Variants in UCK1 observed in about 807,000 individuals in gnomAD.
UCK1 encodes uridine-cytidine kinase 1.
UCK1 carries 20 observed loss-of-function variants against 34.0 expected under a neutral mutation model. The observed-to-expected ratio is 0.59, with a 90% confidence interval of 0.41 to 0.86. UCK1 has a LOEUF of 0.86. UCK1 is among the 40% of genes least tolerant of loss of function. The probability of loss-of-function intolerance (pLI) is 0.00; values close to 1 mark genes in which losing one functional copy is unlikely to be tolerated. For missense variants in UCK1, 343 were observed against 383.6 expected (o/e 0.89, Z 0.88); for synonymous variants, 168 against 155.9 (o/e 1.08, Z -0.58).
chr9:131,529,415 C>T lies in UCK1; in HGVS notation c.365+73G>A, dbSNP rs996703760. On this transcript the variant is annotated intron_variant, in intron 3 of 6. Coordinates refer to ENST00000372215, the MANE Select transcript of UCK1 (RefSeq NM_031432.5). Reference sequence around the variant, plus strand: ...CAACCGGGGGAGGCCTGCCGCCAGGCAGGTCTGTGTGAGCCCGAGGGGACG... The same window carrying T: ...CAACCGGGGGAGGCCTGCCGCCAGGTAGGTCTGTGTGAGCCCGAGGGGACG... The T allele has an allele frequency of 2.5e-6, 4 of 1,606,078 alleles. No homozygotes were observed. The Admixed American group carries it at 6.7e-5, about 27-fold the overall frequency.
chr9:131,526,391 G>T lies in UCK1; in HGVS notation c.604-414C>A, dbSNP rs188253759. 593 of 1,283,418 alleles carry T rather than the reference G, an allele frequency of 4.6e-4. 5 individuals are homozygous for T. The African/African-American group carries it at 8.1e-3, about 18-fold the overall frequency. The allele number at this position is 1,283,418 out of a possible 1,614,324, so 79.5% of individuals were successfully genotyped here. ...TGCAAATACCCTGGCACAGCAACAG[G>T]ACAGCCGCCGCCGTGCATAATTACT... On this transcript the variant is annotated intron_variant, in intron 5 of 6. Transcript: ENST00000372215.
chr9:131,526,810 T>C (rs1950623283), intron 5 of UCK1, among the ~76,000 whole-genome samples: 1 of 152,218 alleles, frequency 6.6e-6, no homozygotes, highest in Non-Finnish European at 1.5e-5. Context: ...TGGGACCCCA[T>C]CTCATGAAAG....
rs1366542103 is a variant in UCK1 at position 131,524,455 on chromosome 9, A to G, written c.*585T>C. 2.6e-5 allele frequency: 4 copies of G among 152,270 alleles called. No individual in the cohort carries two copies. The highest frequency in any genetic ancestry group is 9.6e-5 in the African/African-American group (4 of 41,454). 9.4% of individuals were successfully genotyped at this position (152,270 alleles called of 1,614,324 possible). On this transcript the variant is annotated 3_prime_UTR_variant, in exon 7 of 7. Coordinates refer to ENST00000372215, the MANE Select transcript of UCK1 (RefSeq NM_031432.5). ...AAAACATCCCTCAGTGGCTCCCCAT[A>G]TCCGTGTAGGCCACGCTGGACTGCA... is the stretch of plus-strand genomic sequence containing the variant.
In UCK1 at chr9:131,524,261, G is replaced by A. The variant is rs886253467; in HGVS notation, c.*779C>T. On this transcript the variant is annotated 3_prime_UTR_variant, in exon 7 of 7. Transcript: ENST00000372215. ...GAGGGTCAGTGAGGGCCTGACCCCA[G>A]GCAGGACTGCGTGGACGCTGTTCTC... 3 of 152,468 alleles carry A rather than the reference G, an allele frequency of 2.0e-5. No homozygotes were observed. In the East Asian group the frequency reaches 5.8e-4, roughly 29 times the overall value. The allele number at this position is 152,468 out of a possible 1,614,324, so 9.4% of individuals were successfully genotyped here. A position where few individuals can be genotyped will look rare whatever the true frequency, so the allele number is the denominator to read the frequency against.
intron 2 of UCK1, among the ~76,000 whole-genome samples, chr9:131,530,168 A>G (rs1303453517): frequency 6.6e-6 from 1 of 152,216 alleles, no homozygotes; most frequent in Non-Finnish European, 1.5e-5. Flanking sequence ...AGGGCCCTAA[A>G]GGCCCCAACG....
In UCK1 at chr9:131,530,476, C is replaced by T; in HGVS notation, c.268+10G>A. On this transcript the variant is annotated intron_variant, in intron 2 of 6. Coordinates refer to ENST00000372215, the MANE Select transcript of UCK1 (RefSeq NM_031432.5). ...TCTGCCCTCCCCACATCGTTGGGCT[C>T]GCGATTTACCTGGATGGTCAAAATT... 6.2e-7 allele frequency: 1 copy of T among 1,613,482 alleles called. No homozygotes were observed. Among genetic ancestry groups the T allele is most frequent in the Non-Finnish European group, 8.5e-7 (1 of 1,179,402 alleles).
chr9:131,530,717 G>A, intron 1 of UCK1, 72 bp from the exon 2 acceptor site: 2 of 1,613,558 alleles, frequency 1.2e-6, no homozygotes, highest in East Asian at 2.2e-5. Flanking sequence ...GGCTTCTGGA[G>A]ACACTGACCC....
Position 131,525,645 on chromosome 9 carries a change from ATTT to A in UCK1, c.652+281_652+283del, listed in dbSNP as rs35582001. Among the ~76,000 whole-genome samples the A allele has an allele frequency of 3.3e-5, 5 of 151,956 alleles. No individual in the cohort carries two copies. In the East Asian group the frequency reaches 9.7e-4, roughly 29 times the overall value. On this transcript the variant is annotated intron_variant, in intron 6 of 6. Coordinates refer to ENST00000372215, the MANE Select transcript of UCK1 (RefSeq NM_031432.5). ...AGGCACATGCCACCATGCCCAAATA[ATTT>A]TATTTTTTGTAGAGATGGGGTTTTG...
chr9:131,529,227 A>G lies in UCK1; in HGVS notation c.409T>C (p.Phe137Leu). 1 of 1,614,134 alleles carries G rather than the reference A, an allele frequency of 6.2e-7. No homozygotes were observed. Among genetic ancestry groups the G allele is most frequent in the Non-Finnish European group, 8.5e-7 (1 of 1,180,020 alleles). ...TVVYPADVVL[F>L]EGILVFYSQE... ...CTGTAGAACACCAAGATGCCCTCAA[A>G]CAGAACCACGTCCGCAGGGTAGACC... Residue 137 changes from phenylalanine (F) to leucine (L), a missense_variant, in exon 4 of 7, where the codon TTT (phenylalanine) becomes CTT (leucine). Coordinates refer to ENST00000372215, the MANE Select transcript of UCK1 (RefSeq NM_031432.5).
At chr9:131,530,681 G>A in intron 1 of UCK1, 36 bp from the exon 2 acceptor site, 1 of 1,614,178 alleles carries the variant, frequency 6.2e-7, no homozygotes, top group Non-Finnish European at 8.5e-7. Context: ...GCCTGGAACC[G>A]CTCGTCCTGT....
At chr9:131,530,994 G>T in intron 1 of UCK1, 73 bp downstream of exon 1, 1 of 1,268,244 alleles carries the variant, frequency 7.9e-7, no homozygotes, top group South Asian at 2.1e-5. Flanking sequence ...GCCGGGGCTG[G>T]GGTCTCCTCT....
At chr9:131,529,613 G>T in intron 2 of UCK1, 29 bp from the exon 3 acceptor site, 1 of 1,606,570 alleles carries the variant, frequency 6.2e-7, no homozygotes, top group South Asian at 1.1e-5. Flanking sequence ...AGGCAAGACA[G>T]GCAGATGCCC....
In UCK1 at chr9:131,524,774, T is replaced by C; in HGVS notation, c.*266A>G. 1 of 397,820 alleles carries C rather than the reference T, an allele frequency of 2.5e-6. No individual in the cohort carries two copies. Among genetic ancestry groups the C allele is most frequent in the Admixed American group, 4.4e-5 (1 of 22,662 alleles). 24.6% of individuals were successfully genotyped at this position (397,820 alleles called of 1,614,324 possible). On this transcript the variant is annotated 3_prime_UTR_variant, in exon 7 of 7. Coordinates refer to ENST00000372215, the MANE Select transcript of UCK1 (RefSeq NM_031432.5). ...GAAGCCTCCCAGGCTTCCTGCACAT[T>C]CTGTGGCATTTCTCAGTGACCTAGA... is the stretch of plus-strand genomic sequence containing the variant.
Position 131,531,227 on chromosome 9 carries a change from C to G in UCK1, c.-53G>C. 7.6e-7 allele frequency: 1 copy of G among 1,318,622 alleles called. No individual in the cohort carries two copies. The highest frequency in any genetic ancestry group is 9.7e-7 in the Non-Finnish European group (1 of 1,032,164). 81.7% of individuals were successfully genotyped at this position (1,318,622 alleles called of 1,614,324 possible). A position where few individuals can be genotyped will look rare whatever the true frequency, so the allele number is the denominator to read the frequency against. ...CCCCGCGCCCGCCCCTTCCCCAGGC[C>G]CGGCGCGCCCGCCCAGCGCCGAGGT... is the stretch of plus-strand genomic sequence containing the variant. On this transcript the variant is annotated 5_prime_UTR_variant, in exon 1 of 7. Coordinates refer to ENST00000372215, the MANE Select transcript of UCK1 (RefSeq NM_031432.5).
At position 131,529,033 on chromosome 9, in the gene UCK1, G is replaced by A. The variant is rs1408730969; in HGVS notation, c.514C>T (p.Arg172Trp). ...SDVRLSRRVL[R>W]DVRRGRDLEQ... The stretch of plus-strand genomic sequence containing the variant: ...AGGTCCCTCCCTCGGCGCACGTCCC[G>A]GAGAACTGCAGCGGCAAGGGGCAGG... Residue 172 changes from arginine (R) to tryptophan (W), a missense_variant, in exon 5 of 7, where the codon CGG becomes TGG. Coordinates refer to ENST00000372215, the MANE Select transcript of UCK1 (RefSeq NM_031432.5). 2.5e-6 allele frequency: 4 copies of A among 1,613,910 alleles called. No individual in the cohort carries two copies. The highest frequency in any genetic ancestry group is 1.1e-5 in the South Asian group (1 of 91,088).
At position 131,531,125 on chromosome 9, in the gene UCK1, T is replaced by G; in HGVS notation, c.50A>C (p.Asp17Ala). ...EDCESPAPEA[D>A]RPHQRPFLIG... ...CAGGAAGGGCCGCTGGTGCGGACGG[T>G]CGGCCTCCGGCGCGGGGCTCTCGCA... Residue 17 changes from aspartate (D) to alanine (A), a missense_variant, in exon 1 of 7, where the codon GAC becomes GCC. Asp to Ala is a moderately radical substitution (Grantham distance 126, BLOSUM62 -2). Coordinates refer to ENST00000372215, the MANE Select transcript of UCK1 (RefSeq NM_031432.5). The G allele has an allele frequency of 6.9e-7, 1 of 1,450,966 alleles. No homozygotes were observed. 89.9% of individuals were successfully genotyped at this position (1,450,966 alleles called of 1,614,324 possible).
Position 131,524,962 on chromosome 9 carries a change from G to C in UCK1, c.*78C>G. On this transcript the variant is annotated 3_prime_UTR_variant, in exon 7 of 7. Coordinates refer to ENST00000372215, the MANE Select transcript of UCK1 (RefSeq NM_031432.5). Reference sequence around the variant, plus strand: ...GGGGTGCGCCGAGAGGAAGCAGTGGGTGTGGGTGGGCGTCCCCAGGCTCAG... The same window carrying C: ...GGGGTGCGCCGAGAGGAAGCAGTGGCTGTGGGTGGGCGTCCCCAGGCTCAG... The C allele has an allele frequency of 6.6e-7, 1 of 1,524,434 alleles. No homozygotes were observed. Among genetic ancestry groups the C allele is most frequent in the Non-Finnish European group, 8.9e-7 (1 of 1,128,418 alleles). 94.4% of individuals were successfully genotyped at this position (1,524,434 alleles called of 1,614,324 possible).
Position 131,525,969 on chromosome 9 carries a change from C to T in UCK1, c.612G>A (p.Lys204=), listed in dbSNP as rs1174988475. The T allele has an allele frequency of 6.2e-7, 1 of 1,614,102 alleles. No individual in the cohort carries two copies. Among genetic ancestry groups the T allele is most frequent in the Non-Finnish European group, 8.5e-7 (1 of 1,180,010 alleles). ...AFEEFCLPTK[K]YADVIIPRGV... is the part of the protein sequence containing the mutation. ...CTCGCGGGATGATCACATCGGCATACTTCTTTGTCTGTAAGGCACAAGGGG... is the reference window on the plus strand; with the variant it reads ...CTCGCGGGATGATCACATCGGCATATTTCTTTGTCTGTAAGGCACAAGGGG... Residue 204 remains lysine, a synonymous_variant, in exon 6 of 7, where the codon AAG becomes AAA. Transcript: ENST00000372215.
Position 131,525,080 on chromosome 9 carries a change from C to G in UCK1, c.794G>C (p.Gly265Ala). The change falls in exon 7 of 7, where the codon GGC (glycine) becomes GCC (alanine). Residue 265 changes from glycine (G) to alanine (A), a missense_variant. Coordinates refer to ENST00000372215, the MANE Select transcript of UCK1 (RefSeq NM_031432.5). ...PGDHPGMLTS[G>A]KRSHLESSSR... ...GCTGGACTCCAAATGTGACCGTTTG[C>G]CAGAGGTCAGCATCCCAGGGTGGTC... 6.2e-7 allele frequency: 1 copy of G among 1,613,440 alleles called. No homozygotes were observed. Among genetic ancestry groups the G allele is most frequent in the East Asian group, 2.2e-5 (1 of 44,880 alleles).
Sources: allele counts gnomAD v4.1 joint callset (sites outside exome capture counted in the v4.1 genomes callset), GRCh38; gene constraint gnomAD v4.1.1; transcripts MANE v1.5; gene names NCBI Gene and HGNC (gene_info 2026-07-23, HGNC 2026-07-21).